Variants in RANBP17 observed in about 807,000 individuals in gnomAD.
The protein encoded by RANBP17 is RAN binding protein 17.
RANBP17 carries 158 observed loss-of-function variants against 141.2 expected under a neutral mutation model. The observed-to-expected ratio is 1.12, with a 90% CI of 0.98 to 1.28. RANBP17 has a LOEUF of 1.28. Ranked by LOEUF, RANBP17 falls within the 50% of genes most tolerant of loss-of-function variation. The probability of loss-of-function intolerance (pLI) is 0.00; values close to 1 mark genes in which losing one functional copy is unlikely to be tolerated. For synonymous variants in RANBP17, 430 were observed against 450.0 expected (o/e 0.96, Z 0.56); for missense variants, 1,438 against 1,290.7 (o/e 1.11, Z -1.75).
chr5:171,285,720 G>A (rs1358723522), intron 25 of RANBP17, among the ~76,000 whole-genome samples: 1 of 152,200 alleles, frequency 6.6e-6, no homozygotes, highest in Non-Finnish European at 1.5e-5. Context: ...TGAAGATTCA[G>A]GAATGAGACT....
At chr5:171,161,686 C>G (rs1365426503) in intron 14 of RANBP17, among the ~76,000 whole-genome samples, 1 of 152,108 alleles carries the variant, frequency 6.6e-6, no homozygotes, top group Non-Finnish European at 1.5e-5. Flanking sequence ...AGCTGCAAAG[C>G]CTATATTTAA....
At chr5:171,001,555 C>T (rs1779202670) in intron 14 of RANBP17, among the ~76,000 whole-genome samples, 1 of 152,062 alleles carries the variant, frequency 6.6e-6, no homozygotes, top group Non-Finnish European at 1.5e-5. Context: ...CTTAAATGGG[C>T]TGTACTCTGT....
intron 1 of RANBP17, 150 bp from the exon 2 acceptor site, chr5:170,877,947 A>G (rs1399987752): frequency 4.0e-5 from 18 of 455,404 alleles, no homozygotes; most frequent in Admixed American, 8.7e-5. Context: ...TTTGTTTGCA[A>G]CTGTATCCCC....
At chr5:171,222,355 A>G (rs1763619166) in intron 22 of RANBP17, among the ~76,000 whole-genome samples, 1 of 152,230 alleles carries the variant, frequency 6.6e-6, no homozygotes, top group African/African-American at 2.4e-5. Context: ...GGGCCTTAAA[A>G]CTATAATAAA....
At chr5:171,064,109 A>G (rs1326866664) in intron 14 of RANBP17, among the ~76,000 whole-genome samples, 2 of 152,212 alleles carry the variant, frequency 1.3e-5, no homozygotes, top group East Asian at 1.9e-4. Flanking sequence ...GACCCCTTGC[A>G]CTTCTGGAGT....
intron 13 of RANBP17, among the ~76,000 whole-genome samples, chr5:170,963,199 T>C (rs1301541293): frequency 1.3e-5 from 2 of 152,198 alleles, no homozygotes; most frequent in Non-Finnish European, 2.9e-5. Context: ...CTAGTATATA[T>C]GATAAATACT....
At chr5:171,251,722 C>A in intron 24 of RANBP17, 1 of 679,710 alleles carries the variant, frequency 1.5e-6, no homozygotes, top group South Asian at 1.7e-5. Context: ...GGGGTCCACC[C>A]GCGGGCTGCG....
chr5:171,198,418 T>C (rs557449541), intron 18 of RANBP17, among the ~76,000 whole-genome samples: 1 of 152,302 alleles, frequency 6.6e-6, no homozygotes, highest in Admixed American at 6.5e-5. Context: ...AAGAGATAAA[T>C]CACAGAAGAT....
chr5:170,947,211 T>A (rs1472429661), intron 12 of RANBP17, among the ~76,000 whole-genome samples: 1 of 152,194 alleles, frequency 6.6e-6, no homozygotes, highest in African/African-American at 2.4e-5. Context: ...TTTAATACAT[T>A]TATTAAATTG....
intron 14 of RANBP17, among the ~76,000 whole-genome samples, chr5:171,167,072 G>A (rs1037528119): frequency 6.6e-6 from 1 of 152,154 alleles, no homozygotes; most frequent in Non-Finnish European, 1.5e-5. Flanking sequence ...GGATAATTGT[G>A]GATTAAAGCA....
chr5:170,967,164 A>G (rs542747941), intron 13 of RANBP17, among the ~76,000 whole-genome samples: 120 of 152,252 alleles, frequency 7.9e-4, no homozygotes, highest in African/African-American at 2.7e-3. Flanking sequence ...TCATTGTTCA[A>G]TGGAAAAAGC....
Position 171,198,491 on chromosome 5 carries a change from G to A in RANBP17, c.2039-1179G>A, listed in dbSNP as rs115110229. 1.8e-3 allele frequency among the ~76,000 whole-genome samples: 279 copies of A among 152,276 alleles called. 2 individuals carry two copies. Among genetic ancestry groups the A allele is most frequent in the African/African-American group, 6.3e-3 (262 of 41,560 alleles). ...AGATCTTGATCCTGCCAGGACCTCC[G>A]TTACTTTGTCTGAAAAATGACTATA... is the stretch of plus-strand genomic sequence containing the variant. On this transcript the variant is annotated intron_variant, in intron 18 of 27. Coordinates refer to ENST00000523189, the MANE Select transcript of RANBP17 (RefSeq NM_022897.5).
chr5:171,186,897 T>C (rs1761296185), intron 18 of RANBP17, among the ~76,000 whole-genome samples: 1 of 152,028 alleles, frequency 6.6e-6, no homozygotes, highest in Non-Finnish European at 1.5e-5. Flanking sequence ...CATTTTAATT[T>C]AATCGCTTTA....
chr5:171,278,555 C>T (rs1767670505), intron 25 of RANBP17, among the ~76,000 whole-genome samples: 3 of 152,126 alleles, frequency 2.0e-5, no homozygotes, highest in South Asian at 4.1e-4. Context: ...AAATTGAAGA[C>T]GTGAAAACTC....
chr5:171,201,946 G>A (rs541722582), intron 19 of RANBP17, among the ~76,000 whole-genome samples: 4 of 152,160 alleles, frequency 2.6e-5, no homozygotes, highest in Admixed American at 6.5e-5. Context: ...CCAATCCACA[G>A]GAGGTGATGC....
At chr5:171,174,321 GT>G (rs1377478246) in intron 16 of RANBP17, among the ~76,000 whole-genome samples, 1 of 152,136 alleles carries the variant, frequency 6.6e-6, no homozygotes, top group African/African-American at 2.4e-5. Context: ...CTGTGTTCAA[GT>G]TCAGTACTTG....
chr5:171,195,012 C>T (rs1317635361), intron 18 of RANBP17, among the ~76,000 whole-genome samples: 2 of 152,156 alleles, frequency 1.3e-5, no homozygotes, highest in Non-Finnish European at 2.9e-5. Flanking sequence ...TTCTCAGAGA[C>T]ACAGCGGAGG....
chr5:171,212,562 C>A (rs1462627685), intron 20 of RANBP17, among the ~76,000 whole-genome samples: 1 of 152,118 alleles, frequency 6.6e-6, no homozygotes, highest in Non-Finnish European at 1.5e-5. Flanking sequence ...TCTTAAAGGA[C>A]CTTGAACACC....
intron 5 of RANBP17, among the ~76,000 whole-genome samples, chr5:170,903,041 C>T (rs745699384): frequency 2.6e-5 from 4 of 152,114 alleles, no homozygotes; most frequent in East Asian, 1.9e-4. Flanking sequence ...TGGGAGATCC[C>T]CTGCTCTCTT....
Sources: gnomAD v4.1 joint callset for allele counts (sites outside exome capture counted in the v4.1 genomes callset) on GRCh38, gnomAD v4.1.1 for gene constraint, MANE v1.5 for transcripts, NCBI Gene and HGNC (gene_info 2026-07-23, HGNC 2026-07-21) for gene names.